Variants in INSC observed in about 807,000 individuals in gnomAD.
INSC encodes the protein INSC spindle orientation adaptor protein, also known as protein inscuteable homolog.
INSC carries 67 observed loss-of-function variants against 58.6 expected under a neutral mutation model. The ratio of observed to expected loss-of-function variants is 1.14; its 90% CI spans 0.94 to 1.40. The LOEUF (loss-of-function observed/expected upper bound fraction) is 1.40. INSC is among the 40% of genes most tolerant of loss of function. INSC has a pLI of 0.00. For missense variants in INSC, 714 were observed against 692.0 expected (o/e 1.03, Z -0.36); for synonymous variants, 262 against 276.1 (o/e 0.95, Z 0.51).
Position 15,167,128 on chromosome 11 carries a change from A to G in INSC, c.57-8613A>G, listed in dbSNP as rs780301792. 2.0e-5 allele frequency among the ~76,000 whole-genome samples: 3 copies of G among 152,032 alleles called. No individual in the cohort carries two copies. The South Asian group carries it at 6.2e-4, about 32-fold the overall frequency. ...ATTTTTTTTTTTGCTAAACACAAAA[A>G]TATTATTAACACAGTAGTTTAGTTT... On this transcript the variant is annotated intron_variant, in intron 2 of 12. Transcript: ENST00000379556.
At chr11:15,263,990 C>G in the INSC span, among the ~76,000 whole-genome samples, 11 of 151,400 alleles carry the variant, frequency 7.3e-5, no homozygotes, top group African/African-American at 2.4e-4. Context: ...TATTCTGCTG[C>G]GGCTACTGCT....
At chr11:15,209,106 T>C (rs1470258066) in intron 7 of INSC, among the ~76,000 whole-genome samples, 1 of 152,164 alleles carries the variant, frequency 6.6e-6, no homozygotes, top group Admixed American at 6.5e-5. Context: ...TTCCTAGGCC[T>C]CCTAGTTCCC....
At chr11:15,136,792 A>T (rs1171997012) in intron 1 of INSC, among the ~76,000 whole-genome samples, 1 of 152,176 alleles carries the variant, frequency 6.6e-6, no homozygotes, top group Non-Finnish European at 1.5e-5. Flanking sequence ...AAAGTCATCC[A>T]TGAGGATTGG....
chr11:15,186,071 G>A (rs1310842366), intron 5 of INSC, among the ~76,000 whole-genome samples: 4 of 152,094 alleles, frequency 2.6e-5, no homozygotes, highest in African/African-American at 9.7e-5. Flanking sequence ...TTTCCATTTG[G>A]TTTCCACACT....
chr11:15,220,949 C>T (rs1851413493), intron 7 of INSC, among the ~76,000 whole-genome samples: 1 of 152,158 alleles, frequency 6.6e-6, no homozygotes, highest in South Asian at 2.1e-4. Context: ...CATCCTGTTG[C>T]TAAATATGAG....
At chr11:15,111,521 G>C (rs934190505), upstream of INSC, among the ~76,000 whole-genome samples, 1 of 152,202 alleles carries the variant, frequency 6.6e-6, no homozygotes. Context: ...GCCTGATACA[G>C]CTCTGGACCA....
At chr11:15,210,540 TGTG>T (rs1215025207) in intron 7 of INSC, among the ~76,000 whole-genome samples, 5 of 151,512 alleles carry the variant, frequency 3.3e-5, no homozygotes, top group Non-Finnish European at 7.4e-5. Context: ...TGTGTGTGTG[TGTG>T]TGTGGTGGAG....
chr11:15,251,461 T>G (rs1852648755), downstream of INSC, among the ~76,000 whole-genome samples: 1 of 152,140 alleles, frequency 6.6e-6, no homozygotes, highest in South Asian at 2.1e-4. Context: ...AATAAGAAAG[T>G]GAAAAGGCAA....
chr11:15,264,902 A>G, the INSC span, among the ~76,000 whole-genome samples: 1 of 152,124 alleles, frequency 6.6e-6, no homozygotes, highest in Non-Finnish European at 1.5e-5. Flanking sequence ...ACTAACAGAA[A>G]GTAACTATTT....
intron 2 of INSC, among the ~76,000 whole-genome samples, chr11:15,160,492 T>C (rs1217888114): frequency 6.6e-6 from 1 of 152,078 alleles, no homozygotes; most frequent in Non-Finnish European, 1.5e-5. Flanking sequence ...AGGGCACAGG[T>C]GATGGCTCCT....
Position 15,149,114 on chromosome 11 carries a change from T to C in INSC, c.-45-16T>C. 2 of 1,591,808 alleles carry C rather than the reference T, an allele frequency of 1.3e-6. No individual in the cohort carries two copies. The highest frequency in any genetic ancestry group is 1.7e-6 in the Non-Finnish European group (2 of 1,169,326). On this transcript the variant is annotated splice_polypyrimidine_tract_variant and intron_variant, in intron 1 of 12. Transcript: ENST00000379556. ...CTTTTAGGATCTCGTTGTGCCATCC[T>C]GCCCTCTATTTTCAGGGTCACGACC...
intron 9 of INSC, among the ~76,000 whole-genome samples, chr11:15,233,694 G>GTCCTTCCTTCCT (rs10629474): frequency 6.0e-4 from 91 of 151,190 alleles, no homozygotes; most frequent in African/African-American, 2.1e-3. Context: ...TTCCTAGTTT[G>GTCCTTCCTTCCT]TCCTTCCTTC....
intron 1 of INSC, among the ~76,000 whole-genome samples, chr11:15,123,382 G>T (rs1246885000): frequency 6.6e-6 from 1 of 152,082 alleles, no homozygotes; most frequent in African/African-American, 2.4e-5. Context: ...CAGGTATCAT[G>T]GTACCATGTT....
In INSC at chr11:15,220,367, G is replaced by A. The variant is rs540084491; in HGVS notation, c.820-1110G>A. On this transcript the variant is annotated intron_variant, in intron 7 of 12. Transcript: ENST00000379556. ...ATGGTCCCCAGGCAGGCTGGTGTCCGGGGCATCTGAGGGGCTGCAGTAGCA... is the reference window on the plus strand; with the variant it reads ...ATGGTCCCCAGGCAGGCTGGTGTCCAGGGCATCTGAGGGGCTGCAGTAGCA... Among the ~76,000 whole-genome samples, 52 of 152,248 alleles carry A rather than the reference G, an allele frequency of 3.4e-4. 2 individuals are homozygous for A. The South Asian group carries it at 0.011, about 31-fold the overall frequency.
intron 5 of INSC, among the ~76,000 whole-genome samples, chr11:15,190,493 A>T (rs955250950): frequency 6.6e-6 from 1 of 152,158 alleles, no homozygotes; most frequent in Non-Finnish European, 1.5e-5. Context: ...ATATTATCCC[A>T]TATCTCTAAA....
intron 9 of INSC, among the ~76,000 whole-genome samples, chr11:15,230,009 ATATAATATATATATATAT>A (rs1851852800): frequency 3.8e-5 from 1 of 26,636 alleles, no homozygotes; most frequent in Non-Finnish European, 6.0e-5. Flanking sequence ...ATATATATAT[ATATAATATATATATATAT>A]ATATATATAT....
intron 7 of INSC, among the ~76,000 whole-genome samples, chr11:15,205,248 C>G (rs1250990971): frequency 6.6e-6 from 1 of 152,184 alleles, no homozygotes; most frequent in Non-Finnish European, 1.5e-5. Flanking sequence ...TAAACTTACT[C>G]ACTCATTTGT....
At chr11:15,133,912 G>A (rs1199301494) in intron 1 of INSC, among the ~76,000 whole-genome samples, 1 of 152,214 alleles carries the variant, frequency 6.6e-6, no homozygotes, top group Non-Finnish European at 1.5e-5. Flanking sequence ...CTACCATATT[G>A]TTGGAGATAA....
chr11:15,117,889 T>G (rs922964270), intron 1 of INSC, among the ~76,000 whole-genome samples: 1 of 152,148 alleles, frequency 6.6e-6, no homozygotes, highest in Non-Finnish European at 1.5e-5. Flanking sequence ...ACAAGGGGGA[T>G]AGTTGAGAAT....
Sources: allele counts gnomAD v4.1 joint callset (sites outside exome capture counted in the v4.1 genomes callset), GRCh38; gene constraint gnomAD v4.1.1; transcripts MANE v1.5; gene names NCBI Gene and HGNC (gene_info 2026-07-23, HGNC 2026-07-21).